Variants in MACROD2 observed in about 807,000 individuals in gnomAD.
MACROD2 encodes the protein mono-ADP ribosylhydrolase 2.
In MACROD2, 36 loss-of-function variants were observed where a neutral mutation model predicts 70.4. The observed-to-expected ratio is 0.51, with a 90% CI of 0.39 to 0.68. The LOEUF (loss-of-function observed/expected upper bound fraction) is 0.68. MACROD2 is among the 30% of genes least tolerant of loss of function. The pLI, the probability that MACROD2 is intolerant of heterozygous loss-of-function variation, is 0.00. For synonymous variants in MACROD2, 172 were observed against 178.8 expected (o/e 0.96, Z 0.30); for missense variants, 496 against 538.4 (o/e 0.92, Z 0.78).
At chr20:15,329,673 G>C (rs1400387225) in intron 6 of MACROD2, among the ~76,000 whole-genome samples, 1 of 152,058 alleles carries the variant, frequency 6.6e-6, no homozygotes, top group South Asian at 2.1e-4. Context: ...AAATTTTTCA[G>C]ATGTGTGTTT....
chr20:14,450,419 G>A (rs1169702157), intron 3 of MACROD2, among the ~76,000 whole-genome samples: 1 of 152,104 alleles, frequency 6.6e-6, no homozygotes, highest in Non-Finnish European at 1.5e-5. Context: ...AATGAGGAGA[G>A]AGAAAAGGAG....
chr20:14,072,856 C>G (rs886130052), intron 2 of MACROD2, among the ~76,000 whole-genome samples: 1 of 151,534 alleles, frequency 6.6e-6, no homozygotes, highest in Non-Finnish European at 1.5e-5. Flanking sequence ...ATGGCGTGCA[C>G]CCAGGAGGCA....
intron 5 of MACROD2, among the ~76,000 whole-genome samples, chr20:15,072,946 T>C (rs1172753764): frequency 6.6e-6 from 1 of 152,144 alleles, no homozygotes; most frequent in Non-Finnish European, 1.5e-5. Context: ...TAGGTTAATG[T>C]CCTTATCTTA....
At chr20:14,073,840 A>G (rs1004718703) in intron 2 of MACROD2, among the ~76,000 whole-genome samples, 2 of 152,194 alleles carry the variant, frequency 1.3e-5, no homozygotes, top group African/African-American at 2.4e-5. Flanking sequence ...TTCCCCAAAT[A>G]TGACTTTTTG....
chr20:15,680,869 CTTATA>C lies in MACROD2; in HGVS notation c.645+181026_645+181030del, dbSNP rs371298314. Among the ~76,000 whole-genome samples the C allele has an allele frequency of 1.2e-4, 19 of 152,222 alleles. No homozygotes were observed. The East Asian group carries it at 2.7e-3, about 22-fold the overall frequency. On this transcript the variant is annotated intron_variant, in intron 8 of 17. Coordinates refer to ENST00000684519, the MANE Select transcript of MACROD2 (RefSeq NM_001351661.2). ...AAAGGCTGAAAATGGGGCAATGATA[CTTATA>C]TTAAAGACAAAATAGGAGGAAACTT... is the stretch of plus-strand genomic sequence containing the variant.
Position 15,279,097 on chromosome 20 carries a change from G to A in MACROD2, c.540+49036G>A, listed in dbSNP as rs1290019908. The stretch of plus-strand genomic sequence containing the variant: ...AGTTTTTTGCTTAAAACCCACAACA[G>A]GTAGTTAGTGGAAACTTGAAGGTAC... On this transcript the variant is annotated intron_variant, in intron 6 of 17. Transcript: ENST00000684519. 5.4e-4 allele frequency among the ~76,000 whole-genome samples: 82 copies of A among 152,132 alleles called. 1 individual carries two copies. Among genetic ancestry groups the A allele is most frequent in the Non-Finnish European group, 1.9e-4 (13 of 68,034 alleles).
intron 5 of MACROD2, among the ~76,000 whole-genome samples, chr20:14,867,758 A>G (rs912831943): frequency 2.0e-5 from 3 of 152,116 alleles, no homozygotes; most frequent in Non-Finnish European, 4.4e-5. Context: ...AAGCCTCCAC[A>G]CAGTGCACTT....
At chr20:14,979,821 C>T (rs1171387479) in intron 5 of MACROD2, among the ~76,000 whole-genome samples, 1 of 152,152 alleles carries the variant, frequency 6.6e-6, no homozygotes, top group Non-Finnish European at 1.5e-5. Flanking sequence ...AACTTTGGAA[C>T]TAGACAAAAC....
chr20:14,757,722 G>A (rs1487462479), intron 5 of MACROD2: 35 of 1,519,042 alleles, frequency 2.3e-5, no homozygotes, highest in Non-Finnish European at 2.9e-5. Context: ...CTCAAGTCCC[G>A]AGGCTACGTG....
In MACROD2 at chr20:15,814,618, TG is replaced by T. The variant is rs1192283662; in HGVS notation, c.646-48125del. On this transcript the variant is annotated intron_variant, in intron 8 of 17. Coordinates refer to ENST00000684519, the MANE Select transcript of MACROD2 (RefSeq NM_001351661.2). ...CCTAGTCTTAACACTATGCCCCTGG[TG>T]GAACACAAATAAGATAACTACTATT... is the stretch of plus-strand genomic sequence containing the variant. 2.0e-5 allele frequency among the ~76,000 whole-genome samples: 3 copies of T among 152,228 alleles called. No individual in the cohort carries two copies. In the East Asian group the frequency reaches 5.8e-4, roughly 29 times the overall value.
intron 3 of MACROD2, among the ~76,000 whole-genome samples, chr20:14,174,093 G>A (rs2081244719): frequency 1.3e-5 from 2 of 152,186 alleles, no homozygotes; most frequent in African/African-American, 4.8e-5. Flanking sequence ...GTTTTGTGTT[G>A]GTTTGCCTCC....
intron 3 of MACROD2, among the ~76,000 whole-genome samples, chr20:14,376,081 C>G (rs2083367782): frequency 6.6e-6 from 1 of 152,054 alleles, no homozygotes; most frequent in Non-Finnish European, 1.5e-5. Flanking sequence ...GTAAAAATTG[C>G]CTTATGCCTT....
intron 2 of MACROD2, among the ~76,000 whole-genome samples, chr20:14,075,115 A>G (rs530545324): frequency 2.6e-4 from 39 of 152,350 alleles, no homozygotes; most frequent in Admixed American, 1.1e-3. Flanking sequence ...AGATATGCCA[A>G]AGAGAAGCCA....
intron 7 of MACROD2, among the ~76,000 whole-genome samples, chr20:15,493,365 AT>A (rs1018235881): frequency 1.3e-5 from 2 of 152,102 alleles, no homozygotes; most frequent in East Asian, 3.8e-4. Context: ...TTTTATTTTA[AT>A]TTTTTTCTAG....
At chr20:14,091,619 A>G (rs1377825897) in intron 3 of MACROD2, among the ~76,000 whole-genome samples, 1 of 152,148 alleles carries the variant, frequency 6.6e-6, no homozygotes. Context: ...TGATTGGTCA[A>G]TCAAAATAAT....
chr20:16,006,596 T>C (rs2147517369), intron 15 of MACROD2, among the ~76,000 whole-genome samples: 1 of 152,252 alleles, frequency 6.6e-6, no homozygotes, highest in South Asian at 2.1e-4. Context: ...AAACTCTATT[T>C]TTATTGAAAT....
intron 8 of MACROD2, among the ~76,000 whole-genome samples, chr20:15,672,369 A>ACACG (rs1555858327): frequency 1.3e-5 from 2 of 151,716 alleles, no homozygotes; most frequent in Admixed American, 1.3e-4. Context: ...ACACACACAC[A>ACACG]CACACACACA....
intron 8 of MACROD2, among the ~76,000 whole-genome samples, chr20:15,572,080 T>C (rs1308701681): frequency 1.3e-5 from 2 of 152,108 alleles, no homozygotes; most frequent in East Asian, 3.8e-4. Context: ...TGTATGTTGG[T>C]AAACACCCCT....
intron 7 of MACROD2, among the ~76,000 whole-genome samples, chr20:15,481,013 A>G (rs1435752223): frequency 6.6e-6 from 1 of 152,122 alleles, no homozygotes; most frequent in African/African-American, 2.4e-5. Context: ...TGGAAATCCT[A>G]TTTCCTACCT....
Sources: allele counts gnomAD v4.1 joint callset (sites outside exome capture counted in the v4.1 genomes callset), GRCh38; gene constraint gnomAD v4.1.1; transcripts MANE v1.5; gene names NCBI Gene and HGNC (gene_info 2026-07-23, HGNC 2026-07-21).